The following MTSS1 variants were observed in gnomAD, a reference collection of about 807,000 sequenced individuals.
The protein encoded by MTSS1 is protein MTSS 1.
MTSS1 carries 18 observed loss-of-function variants against 79.0 expected under a neutral mutation model. The observed-to-expected ratio is 0.23, with a 90% CI of 0.16 to 0.34. The LOEUF (loss-of-function observed/expected upper bound fraction) is 0.34. Ranked by LOEUF, MTSS1 falls within the 10% of genes least tolerant of loss-of-function variation. The pLI is 1.00. For synonymous variants in MTSS1, 341 were observed against 368.6 expected, an observed-to-expected ratio of 0.93 and a Z score of 0.86; for missense variants, 815 against 986.2, an observed-to-expected ratio of 0.83 and a Z score of 2.33.
At chr8:124,656,509 C>A (rs1410494097) in intron 3 of MTSS1, among the ~76,000 whole-genome samples, 1 of 150,336 alleles carries the variant, frequency 6.7e-6, no homozygotes, top group African/African-American at 2.5e-5. Context: ...CAGTGGCTCA[C>A]GCCTGTAATC....
intron 3 of MTSS1, among the ~76,000 whole-genome samples, chr8:124,630,623 C>A (rs182021238): frequency 1.3e-5 from 2 of 152,282 alleles, no homozygotes; most frequent in Admixed American, 1.3e-4. Flanking sequence ...CAGAAACATC[C>A]GGGTACCAGC....
chr8:124,727,823 A>G lies in MTSS1; in HGVS notation c.72+61T>C, dbSNP rs773141045. The G allele has an allele frequency of 7.0e-7, 1 of 1,424,698 alleles. No homozygotes were observed. The highest frequency in any genetic ancestry group is 9.3e-7 in the Non-Finnish European group (1 of 1,075,924). The allele number at this position is 1,424,698 out of a possible 1,614,324, so 88.3% of individuals were successfully genotyped here. A position where few individuals can be genotyped will look rare whatever the true frequency, so the allele number is the denominator to read the frequency against. On this transcript the variant is annotated intron_variant, in intron 1 of 13. Transcript: ENST00000518547. This position sits in a 1 kb window ranked among gnomAD's most constrained non-coding sequence, Gnocchi z 4.7. ...GGTGCCCGGCCCGGGGTGGAGGCGAAGCGCGGCGGCGAGGTCAGAGCGCGG... is the reference window on the plus strand; with the variant it reads ...GGTGCCCGGCCCGGGGTGGAGGCGAGGCGCGGCGGCGAGGTCAGAGCGCGG...
chr8:124,641,010 C>T (rs892540229), intron 3 of MTSS1, among the ~76,000 whole-genome samples: 1 of 151,672 alleles, frequency 6.6e-6, no homozygotes, highest in Non-Finnish European at 1.5e-5. Flanking sequence ...ATATGTCATC[C>T]GTGTATGTAC....
At chr8:124,658,558 T>G (rs1277157149) in intron 3 of MTSS1, among the ~76,000 whole-genome samples, 2 of 152,214 alleles carry the variant, frequency 1.3e-5, no homozygotes, top group Non-Finnish European at 2.9e-5. Context: ...TTCCACAGGC[T>G]GTACAGGAAG....
At chr8:124,621,483 C>T (rs529352781) in intron 3 of MTSS1, among the ~76,000 whole-genome samples, 20 of 152,226 alleles carry the variant, frequency 1.3e-4, no homozygotes, top group African/African-American at 4.3e-4. Context: ...GCATCAGTAC[C>T]GTCATTCCAA....
intron 3 of MTSS1, among the ~76,000 whole-genome samples, chr8:124,599,120 G>A (rs1833289327): frequency 6.6e-6 from 1 of 152,188 alleles, no homozygotes; most frequent in South Asian, 2.1e-4. Context: ...GGGACCCTGT[G>A]CGCTTGAACA....
At position 124,553,547 on chromosome 8, in the gene MTSS1, A is replaced by C; in HGVS notation, c.1713T>G (p.Ala571=). 1 of 1,614,098 alleles carries C rather than the reference A, an allele frequency of 6.2e-7. No homozygotes were observed. Among genetic ancestry groups the C allele is most frequent in the Non-Finnish European group, 8.5e-7 (1 of 1,179,998 alleles). Residue 571 remains alanine (A), a synonymous_variant, in exon 14 of 14, where the codon GCT becomes GCG. Transcript: ENST00000518547. This position sits in a 1 kb window ranked among gnomAD's most constrained non-coding sequence, Gnocchi z 6.0. ...MFQAKRPAST[A]GLPTTLGPAM... is the part of the protein sequence containing the mutation. Reference sequence around the variant, plus strand: ...CAGGTCCCAGGGTGGTGGGGAGGCCAGCAGTTGAGGCTGGACGCTTGGCTT... The same window carrying C: ...CAGGTCCCAGGGTGGTGGGGAGGCCCGCAGTTGAGGCTGGACGCTTGGCTT...
intron 3 of MTSS1, among the ~76,000 whole-genome samples, chr8:124,606,125 G>A (rs1271452317): frequency 6.7e-6 from 1 of 148,350 alleles, no homozygotes; most frequent in African/African-American, 2.5e-5. Flanking sequence ...ACAGGCATGT[G>A]CCACCATGCC....
At chr8:124,631,251 C>T (rs928786803) in intron 3 of MTSS1, among the ~76,000 whole-genome samples, 12 of 152,154 alleles carry the variant, frequency 7.9e-5, no homozygotes, top group Admixed American at 6.5e-5. Context: ...TGGGTGCTCC[C>T]GAGGACAGCA....
At chr8:124,713,687 G>A (rs1012954863) in intron 1 of MTSS1, among the ~76,000 whole-genome samples, 3 of 152,086 alleles carry the variant, frequency 2.0e-5, no homozygotes, top group Admixed American at 2.0e-4. Context: ...GCCTCCCAAA[G>A]AGCTGGGATT....
intron 3 of MTSS1, chr8:124,698,070 T>A (rs559057377): frequency 1.3e-5 from 2 of 152,348 alleles, no homozygotes; most frequent in African/African-American, 4.8e-5. Flanking sequence ...ATACTTCTCA[T>A]TTTCCCCACT....
chr8:124,665,730 G>A (rs1334796336), intron 3 of MTSS1, among the ~76,000 whole-genome samples: 1 of 152,186 alleles, frequency 6.6e-6, no homozygotes, highest in African/African-American at 2.4e-5. Flanking sequence ...AGCCAGGCGT[G>A]GTGGCGCATG....
intron 3 of MTSS1, among the ~76,000 whole-genome samples, chr8:124,693,082 G>A (rs1442730897): frequency 6.6e-6 from 1 of 152,068 alleles, no homozygotes; most frequent in Non-Finnish European, 1.5e-5. Context: ...AAACTCCTGG[G>A]AGACAAGCAG....
intron 3 of MTSS1, among the ~76,000 whole-genome samples, chr8:124,599,165 T>C (rs1221443231): frequency 6.6e-6 from 1 of 152,204 alleles, no homozygotes; most frequent in African/African-American, 2.4e-5. Context: ...AATTGATTAC[T>C]GTACCCACTA....
chr8:124,578,619 AC>A (rs1829446837), intron 6 of MTSS1, among the ~76,000 whole-genome samples: 1 of 151,188 alleles, frequency 6.6e-6, no homozygotes, highest in African/African-American at 2.4e-5. Context: ...ACATGGCAAA[AC>A]CCCGTCTCTA....
intron 1 of MTSS1, among the ~76,000 whole-genome samples, chr8:124,723,770 G>A (rs770385142): frequency 1.3e-5 from 2 of 152,208 alleles, no homozygotes; most frequent in African/African-American, 2.4e-5. Context: ...CCAACATGGG[G>A]CCCATGTGTC....
intron 3 of MTSS1, among the ~76,000 whole-genome samples, chr8:124,606,375 A>G (rs1485536933): frequency 2.6e-5 from 4 of 151,546 alleles, no homozygotes; most frequent in African/African-American, 4.9e-5. Context: ...TCTCAAACTC[A>G]TGATCTCAAG....
intron 6 of MTSS1, among the ~76,000 whole-genome samples, chr8:124,571,698 G>A: frequency 6.6e-6 from 1 of 152,210 alleles, no homozygotes; most frequent in Non-Finnish European, 1.5e-5. Context: ...GGGAACGGTG[G>A]CTCATGCTTC....
Position 124,562,608 on chromosome 8 carries a change from A to C in MTSS1, c.1035+174T>G, listed in dbSNP as rs78485963. On this transcript the variant is annotated intron_variant, in intron 10 of 13. Transcript: ENST00000518547. ...GGAGACAGGCTTCAAACCCACTTAT[A>C]GCACCTCTCCCTTTAGGGGAACAAT... Among the ~76,000 whole-genome samples the C allele has an allele frequency of 3.1e-3, 470 of 152,304 alleles. 1 individual carries two copies. The highest frequency in any genetic ancestry group is 0.011 in the African/African-American group (448 of 41,550).
Sources: allele counts gnomAD v4.1 joint callset (sites outside exome capture counted in the v4.1 genomes callset), GRCh38; gene constraint gnomAD v4.1.1; non-coding constraint Gnocchi (gnomAD v3.1); transcripts MANE v1.5; gene names NCBI Gene and HGNC (gene_info 2026-07-23, HGNC 2026-07-21).